The following PAG1 variants were observed in gnomAD, a reference collection of about 807,000 sequenced individuals.
PAG1 encodes the protein phosphoprotein associated with glycosphingolipid-enriched microdomains 1.
PAG1 carries 23 observed loss-of-function variants against 31.7 expected under a neutral mutation model. That is an observed-to-expected ratio of 0.73 (90% CI 0.52 to 1.03). The LOEUF (loss-of-function observed/expected upper bound fraction) is 1.03. PAG1 is among the 50% of genes least tolerant of loss of function. PAG1 has a pLI of 0.00. For missense variants in PAG1, 473 were observed against 540.7 expected (o/e 0.87, Z 1.24); for synonymous variants, 214 against 210.3 (o/e 1.02, Z -0.15).
At chr8:81,088,377 T>C (rs1037648382) in intron 1 of PAG1, among the ~76,000 whole-genome samples, 1 of 152,202 alleles carries the variant, frequency 6.6e-6, no homozygotes, top group Non-Finnish European at 1.5e-5. Flanking sequence ...TTTTTTCACC[T>C]CTCTTATTTT....
chr8:81,090,284 G>A (rs902131899), intron 1 of PAG1, among the ~76,000 whole-genome samples: 1 of 152,116 alleles, frequency 6.6e-6, no homozygotes, highest in Non-Finnish European at 1.5e-5. Flanking sequence ...ACACATCTAT[G>A]GAGCTCTTAT....
At chr8:80,986,491 T>A (rs190425632) in intron 6 of PAG1, among the ~76,000 whole-genome samples, 6 of 152,182 alleles carry the variant, frequency 3.9e-5, no homozygotes, top group African/African-American at 1.4e-4. Flanking sequence ...CAATGCATGA[T>A]GCAGAGGTTA....
chr8:81,058,603 G>A (rs1472570253), intron 2 of PAG1: 1 of 150,246 alleles, frequency 6.7e-6, no homozygotes, highest in Non-Finnish European at 1.5e-5. Flanking sequence ...TAAAGCTGGT[G>A]TTAGAAATTC....
Position 80,980,437 on chromosome 8 carries a change from C to T in PAG1, c.934G>A (p.Glu312Lys). The T allele has an allele frequency of 6.3e-7, 1 of 1,581,568 alleles. No homozygotes were observed. Among genetic ancestry groups the T allele is most frequent in the Non-Finnish European group, 8.7e-7 (1 of 1,150,696 alleles). ...TTTTAAAAAGAAACAAAACTTACCTCTTCTTCTGTGAGAGTGGGGTCTTCT... is the reference window on the plus strand; with the variant it reads ...TTTTAAAAAGAAACAAAACTTACCTTTTCTTCTGTGAGAGTGGGGTCTTCT... ...REEDPTLTEE[E>K]ISAMYSSVNK... The change falls in exon 8 of 9, where the codon GAG becomes AAG. Residue 312 changes from glutamate to lysine, a missense_variant and splice_region_variant. By Grantham distance (56) the Glu-to-Lys change is moderately conservative (BLOSUM62 1). Transcript: ENST00000220597.
rs1343193564 is a variant in PAG1 at position 80,972,467 on chromosome 8, TAA to T, written c.*4075_*4076del. On this transcript the variant is annotated 3_prime_UTR_variant, in exon 9 of 9. Coordinates refer to ENST00000220597, the MANE Select transcript of PAG1 (RefSeq NM_018440.4). Reference sequence around the variant, plus strand: ...GCCTGCTGATGTTTTACACTGCCTATAAAGTCTCATAATTTTAAAAGGGAATG... The same window carrying T: ...GCCTGCTGATGTTTTACACTGCCTATAGTCTCATAATTTTAAAAGGGAATG... The T allele has an allele frequency of 6.6e-6, 1 of 152,234 alleles. No homozygotes were observed. The highest frequency in any genetic ancestry group is 1.5e-5 in the Non-Finnish European group (1 of 68,050). The allele number at this position is 152,234 out of a possible 1,614,324, so 9.4% of individuals were successfully genotyped here. A position where few individuals can be genotyped will look rare whatever the true frequency, so the allele number is the denominator to read the frequency against.
At chr8:81,081,364 T>A (rs1203916402) in intron 1 of PAG1, among the ~76,000 whole-genome samples, 2 of 152,110 alleles carry the variant, frequency 1.3e-5, no homozygotes, top group African/African-American at 2.4e-5. Flanking sequence ...AATTAAATTT[T>A]AAAATTTTAG....
At position 81,025,585 on chromosome 8, in the gene PAG1, C is replaced by G. The variant is rs140353553; in HGVS notation, c.-81+4411G>C. The stretch of plus-strand genomic sequence containing the variant: ...TCGTGCTACACCACCGTGCCCAGGG[C>G]CATGGTATGTCAAAGGGCCCAGGAC... On this transcript the variant is annotated intron_variant, in intron 3 of 8. Transcript: ENST00000220597. 6.3e-3 allele frequency among the ~76,000 whole-genome samples: 959 copies of G among 152,252 alleles called. 17 individuals carry two copies. The highest frequency in any genetic ancestry group is 0.022 in the African/African-American group (905 of 41,542).
At chr8:81,069,914 C>G (rs542973301) in intron 2 of PAG1, among the ~76,000 whole-genome samples, 198 bp downstream of exon 2, 1 of 152,344 alleles carries the variant, frequency 6.6e-6, no homozygotes, top group South Asian at 2.1e-4. Context: ...GTTTCTATCG[C>G]AGAAGACCTA....
chr8:81,098,983 A>G (rs1809568834), intron 1 of PAG1, among the ~76,000 whole-genome samples: 1 of 112,512 alleles, frequency 8.9e-6, no homozygotes, highest in Non-Finnish European at 1.8e-5. Context: ...ATTTCTGAAA[A>G]CAGAGTTTGT....
At chr8:81,020,393 C>G (rs1048324846) in intron 3 of PAG1, among the ~76,000 whole-genome samples, 1 of 152,142 alleles carries the variant, frequency 6.6e-6, no homozygotes, top group African/African-American at 2.4e-5. Context: ...TCCCATGATT[C>G]CTACATGTTG....
At chr8:81,091,457 T>C (rs1354147856) in intron 1 of PAG1, among the ~76,000 whole-genome samples, 1 of 152,162 alleles carries the variant, frequency 6.6e-6, no homozygotes, top group Non-Finnish European at 1.5e-5. Flanking sequence ...CATCATACAA[T>C]GTACTTACAC....
chr8:81,075,270 A>AGTAGACT (rs1809158496), intron 1 of PAG1, among the ~76,000 whole-genome samples: 1 of 152,194 alleles, frequency 6.6e-6, no homozygotes, highest in Non-Finnish European at 1.5e-5. Context: ...TTCTAGTATG[A>AGTAGACT]GTAGACTGAC....
At chr8:81,064,224 C>A (rs183878589) in intron 2 of PAG1, among the ~76,000 whole-genome samples, 1 of 152,102 alleles carries the variant, frequency 6.6e-6, no homozygotes, top group Non-Finnish European at 1.5e-5. Flanking sequence ...GGGATGTTTT[C>A]GGGATGAAAC....
chr8:81,041,934 A>C (rs1808560429), intron 2 of PAG1, among the ~76,000 whole-genome samples: 1 of 152,144 alleles, frequency 6.6e-6, no homozygotes, highest in Non-Finnish European at 1.5e-5. Context: ...TAAATTCTGC[A>C]TTTTTACTTT....
At chr8:81,029,756 A>C (rs1808347232) in intron 3 of PAG1, 1 of 152,108 alleles carries the variant, frequency 6.6e-6, no homozygotes, top group African/African-American at 2.4e-5. Flanking sequence ...CATTTCCCAC[A>C]CATTTTTCGT....
intron 1 of PAG1, among the ~76,000 whole-genome samples, chr8:81,094,635 C>T (rs1207829853): frequency 6.6e-6 from 1 of 151,936 alleles, no homozygotes; most frequent in Admixed American, 6.6e-5. Flanking sequence ...ATATATTTTC[C>T]CCTAGAACTT....
intron 2 of PAG1, among the ~76,000 whole-genome samples, chr8:81,064,734 T>TA (rs542332528): frequency 1.4e-4 from 22 of 152,246 alleles, no homozygotes; most frequent in African/African-American, 4.8e-4. Context: ...AAGTAGTTCT[T>TA]ACGATCTTCT....
At chr8:81,058,762 G>T (rs563031745) in intron 2 of PAG1, 2 of 151,338 alleles carry the variant, frequency 1.3e-5, no homozygotes, top group South Asian at 4.2e-4. Context: ...CAGGCATCGT[G>T]GCATGCACCT....
chr8:81,053,946 C>T (rs1808773343), intron 2 of PAG1, among the ~76,000 whole-genome samples: 1 of 152,168 alleles, frequency 6.6e-6, no homozygotes, highest in Non-Finnish European at 1.5e-5. Context: ...CATAGGATCT[C>T]TCACATCTAC....
Sources: allele counts gnomAD v4.1 joint callset (sites outside exome capture counted in the v4.1 genomes callset), GRCh38; gene constraint gnomAD v4.1.1; transcripts MANE v1.5; gene names NCBI Gene and HGNC (gene_info 2026-07-23, HGNC 2026-07-21).